NKAIN3: variants seen among roughly 807,000 people sequenced by gnomAD.
NKAIN3 encodes the protein sodium/potassium-transporting ATPase subunit beta-1-interacting protein 3.
A neutral mutation model predicts 30.2 loss-of-function variants in NKAIN3; 25 were observed. That is an observed-to-expected ratio of 0.83 (90% confidence interval 0.60 to 1.16). The LOEUF (loss-of-function observed/expected upper bound fraction) is 1.16, where lower values mean the gene tolerates loss of function less well. NKAIN3 is among the 50% of genes most tolerant of loss of function. NKAIN3 has a pLI of 0.00. For missense variants in NKAIN3, 225 were observed against 254.1 expected (o/e 0.89, Z 0.78); for synonymous variants, 91 against 89.6 (o/e 1.02, Z -0.09).
intron 3 of NKAIN3, among the ~76,000 whole-genome samples, chr8:62,628,392 A>G (rs1811852927): frequency 6.6e-6 from 1 of 152,150 alleles, no homozygotes; most frequent in African/African-American, 2.4e-5. Flanking sequence ...AATTTTGCAC[A>G]GCGAATTTTG....
chr8:62,954,550 C>T (rs1275275222), intron 6 of NKAIN3, among the ~76,000 whole-genome samples: 1 of 152,080 alleles, frequency 6.6e-6, no homozygotes, highest in Non-Finnish European at 1.5e-5. Flanking sequence ...AAGTCAGCAA[C>T]AACAAAACCA....
chr8:62,600,904 T>C (rs994997895), intron 3 of NKAIN3, among the ~76,000 whole-genome samples: 1 of 152,078 alleles, frequency 6.6e-6, no homozygotes, highest in African/African-American at 2.4e-5. Context: ...CTTGAATTGT[T>C]CCTTTGCACT....
rs34456138 is a variant in NKAIN3, at chr8:62,772,663, C to CTT, written c.471+25549_471+25550dup. 9.3e-3 allele frequency among the ~76,000 whole-genome samples: 1,280 copies of CTT among 137,278 alleles called. 21 individuals are homozygous for CTT. Among genetic ancestry groups the CTT allele is most frequent in the African/African-American group, 0.024 (889 of 37,344 alleles). The allele number at this position is 137,278 out of a possible 152,430, so 90.1% of individuals were successfully genotyped here. ...AATGTCTGTTCATATCTTTTGCCTA[C>CTT]TTTTTTTTTTTTTTTTGAGATGGAG... On this transcript the variant is annotated intron_variant, in intron 4 of 6. Coordinates refer to ENST00000623646, the MANE Select transcript of NKAIN3 (RefSeq NM_001304533.3).
chr8:62,779,642 G>A (rs1817297139), intron 4 of NKAIN3, among the ~76,000 whole-genome samples: 1 of 152,114 alleles, frequency 6.6e-6, no homozygotes, highest in Non-Finnish European at 1.5e-5. Context: ...AATATTTTGT[G>A]CAACATTGTC....
intron 4 of NKAIN3, among the ~76,000 whole-genome samples, chr8:62,895,929 A>G (rs918018045): frequency 6.6e-6 from 1 of 151,652 alleles, no homozygotes; most frequent in Admixed American, 6.6e-5. Flanking sequence ...CTTGTTTCTA[A>G]TCATTAAAAC....
Position 62,855,667 on chromosome 8 carries a change from C to A in NKAIN3, c.472-62786C>A. The A allele has an allele frequency of 3.1e-6, 5 of 1,604,004 alleles. No homozygotes were observed. The South Asian group carries it at 4.4e-5, about 14-fold the overall frequency. ...CCAGGTTCCTGAAGTGCTGCTGCAG[C>A]CCAGGGTTCTCAAAGCTGTCACTTC... On this transcript the variant is annotated intron_variant, in intron 4 of 6. Transcript: ENST00000623646.
chr8:62,675,132 A>G (rs1813434455), intron 3 of NKAIN3, among the ~76,000 whole-genome samples: 1 of 152,194 alleles, frequency 6.6e-6, no homozygotes, highest in South Asian at 2.1e-4. Flanking sequence ...GAGGTTATGA[A>G]TATGTAACCT....
chr8:62,579,240 T>TA (rs1357900477), intron 1 of NKAIN3, among the ~76,000 whole-genome samples: 1 of 151,908 alleles, frequency 6.6e-6, no homozygotes, highest in Admixed American at 6.6e-5. Flanking sequence ...ACTTAAAACA[T>TA]AAAAAATCTG....
intron 1 of NKAIN3, among the ~76,000 whole-genome samples, chr8:62,276,654 A>C (rs975326590): frequency 3.9e-5 from 6 of 152,174 alleles, no homozygotes; most frequent in Non-Finnish European, 7.3e-5. Flanking sequence ...CAATTTATTA[A>C]TTTATCTATC....
intron 3 of NKAIN3, among the ~76,000 whole-genome samples, chr8:62,652,180 T>C (rs531937046): frequency 6.6e-6 from 1 of 152,152 alleles, no homozygotes; most frequent in South Asian, 2.1e-4. Context: ...GGGGATTAGG[T>C]TTCAATGTAT....
At chr8:62,856,497 G>A in intron 4 of NKAIN3, 3 of 784,284 alleles carry the variant, frequency 3.8e-6, no homozygotes, top group Middle Eastern at 3.5e-4. Context: ...TCAAGTCAAG[G>A]AAGATACCTG....
chr8:62,965,897 G>T lies in NKAIN3; in HGVS notation c.*490G>T. On this transcript the variant is annotated 3_prime_UTR_variant, in exon 7 of 7. Transcript: ENST00000623646. ...TAAATAGGTACAAATAATGGATCCA[G>T]CTTTTGGATTGAATATGGGTCATTT... 1.0e-6 allele frequency: 1 copy of T among 985,318 alleles called. No individual in the cohort carries two copies. The highest frequency in any genetic ancestry group is 1.2e-6 in the Non-Finnish European group (1 of 829,862). 61.0% of individuals were successfully genotyped at this position (985,318 alleles called of 1,614,324 possible).
At chr8:62,632,003 A>T (rs1001625339) in intron 3 of NKAIN3, among the ~76,000 whole-genome samples, 2 of 152,180 alleles carry the variant, frequency 1.3e-5, no homozygotes, top group African/African-American at 4.8e-5. Context: ...CTATGTGCAT[A>T]GCCCAGTGAA....
chr8:62,555,368 G>T (rs1174169031), intron 1 of NKAIN3, among the ~76,000 whole-genome samples: 1 of 151,838 alleles, frequency 6.6e-6, no homozygotes, highest in East Asian at 1.9e-4. Context: ...AAATGAAGAA[G>T]GAGTAAAATG....
At chr8:62,863,318 G>A in intron 4 of NKAIN3, 1 of 1,549,862 alleles carries the variant, frequency 6.5e-7, no homozygotes, top group Non-Finnish European at 8.8e-7. Flanking sequence ...CCTGAAGGAG[G>A]AGGAATACCT....
intron 1 of NKAIN3, among the ~76,000 whole-genome samples, chr8:62,320,461 T>C (rs1429371953): frequency 3.3e-5 from 5 of 152,182 alleles, no homozygotes; most frequent in Non-Finnish European, 7.3e-5. Context: ...GTTTTTGCAG[T>C]GGCTGGTACC....
intron 1 of NKAIN3, among the ~76,000 whole-genome samples, chr8:62,290,624 C>G (rs1167395387): frequency 6.6e-6 from 1 of 152,160 alleles, no homozygotes; most frequent in East Asian, 1.9e-4. Flanking sequence ...TTTTGATGTG[C>G]TGCTGGATTC....
rs994079314 is a variant in NKAIN3, at chr8:62,857,126, G to A, written c.472-61327G>A. 41 of 374,956 alleles carry A rather than the reference G, an allele frequency of 1.1e-4. 2 individuals carry two copies. In the Admixed American group the frequency reaches 1.5e-3, roughly 14 times the overall value. The allele number at this position is 374,956 out of a possible 1,614,324, so 23.2% of individuals were successfully genotyped here. A position where few individuals can be genotyped will look rare whatever the true frequency, so the allele number is the denominator to read the frequency against. On this transcript the variant is annotated intron_variant, in intron 4 of 6. Transcript: ENST00000623646. ...TTTGGTGTAGGGAAGTGACCAACTT[G>A]GACCAGAAATTCTTTCCTTTAAGAA... is the stretch of plus-strand genomic sequence containing the variant.
At chr8:62,932,158 TAAAC>T (rs753337262) in intron 5 of NKAIN3, among the ~76,000 whole-genome samples, 12 of 152,298 alleles carry the variant, frequency 7.9e-5, no homozygotes, top group Middle Eastern at 3.4e-3. Context: ...ATTGTCCTAA[TAAAC>T]AAAACAAGCA....
Sources: allele counts gnomAD v4.1 joint callset (sites outside exome capture counted in the v4.1 genomes callset), GRCh38; gene constraint gnomAD v4.1.1; transcripts MANE v1.5; gene names NCBI Gene and HGNC (gene_info 2026-07-23, HGNC 2026-07-21).